Variants in NBAS observed in about 807,000 individuals in gnomAD.
The protein encoded by NBAS is NBAS subunit of NRZ tethering complex.
In NBAS, 219 loss-of-function variants were observed where a neutral mutation model predicts 302.5. That is an observed-to-expected ratio of 0.72 (90% confidence interval 0.65 to 0.81). The LOEUF (loss-of-function observed/expected upper bound fraction) is 0.81. Among genes scored for constraint, NBAS ranks in the 30% least tolerant of loss-of-function variants. NBAS has a pLI of 0.00. For missense variants in NBAS, 2,932 were observed against 2,841.6 expected (o/e 1.03, Z -0.72); for synonymous variants, 1,118 against 1,021.6 (o/e 1.09, Z -1.80).
At chr2:15,433,565 A>G (rs1159476125) in intron 21 of NBAS, among the ~76,000 whole-genome samples, 2 of 152,192 alleles carry the variant, frequency 1.3e-5, no homozygotes, top group South Asian at 4.1e-4. Flanking sequence ...CTCCACTTAT[A>G]CCATCCTGAG....
intron 35 of NBAS, among the ~76,000 whole-genome samples, chr2:15,347,888 T>C (rs924989984): frequency 2.6e-5 from 4 of 152,218 alleles, no homozygotes; most frequent in African/African-American, 9.6e-5. Flanking sequence ...AACAGCAATA[T>C]CTTCAAACTT....
the NBAS span, among the ~76,000 whole-genome samples, chr2:14,883,585 A>C: frequency 6.6e-6 from 1 of 152,296 alleles, no homozygotes; most frequent in Non-Finnish European, 1.5e-5. Context: ...TTTGGAGTCA[A>C]GAAATAAGAA....
the NBAS span, among the ~76,000 whole-genome samples, chr2:14,784,115 T>C: frequency 6.6e-6 from 1 of 152,204 alleles, no homozygotes; most frequent in African/African-American, 2.4e-5. Context: ...TGCATAAATG[T>C]CTTCTTTTGA....
In NBAS at chr2:15,186,759, G is replaced by T; in HGVS notation, c.6694C>A (p.Gln2232Lys). The T allele has an allele frequency of 6.2e-7, 1 of 1,613,768 alleles. No homozygotes were observed. Among genetic ancestry groups the T allele is most frequent in the Non-Finnish European group, 8.5e-7 (1 of 1,179,922 alleles). Residue 2232 changes from glutamine to lysine, a missense_variant, in exon 50 of 52, where the codon CAG becomes AAG. Transcript: ENST00000281513. Reference protein sequence around the residue: ...KMCRSLYNTKQMLPAEGVKEL... With the variant: ...KMCRSLYNTKKMLPAEGVKEL... Reference sequence around the variant, plus strand: ...CCACTCACCTCTGCAGGCAGCATCTGCTTGGTGTTATACAAAGAGCGACAC... The same window carrying T: ...CCACTCACCTCTGCAGGCAGCATCTTCTTGGTGTTATACAAAGAGCGACAC...
At chr2:14,948,594 AT>A in the NBAS span, among the ~76,000 whole-genome samples, 230 of 152,194 alleles carry the variant, frequency 1.5e-3, no homozygotes, top group African/African-American at 4.7e-3. Context: ...TGAAGAGGAT[AT>A]TAAAAAAATT....
the NBAS span, among the ~76,000 whole-genome samples, chr2:14,857,502 C>A: frequency 6.6e-6 from 1 of 152,034 alleles, no homozygotes; most frequent in Non-Finnish European, 1.5e-5. Flanking sequence ...ACAGAATAGA[C>A]AACCCAGCGA....
At chr2:15,402,327 T>TA in intron 25 of NBAS, 26 bp from the exon 26 acceptor site, 10 of 1,612,112 alleles carry the variant, frequency 6.2e-6, no homozygotes, top group Non-Finnish European at 7.6e-6. Context: ...TATGTTGTAC[T>TA]AAATGTCAAC....
At chr2:15,536,855 G>A (rs1663544857) in intron 7 of NBAS, among the ~76,000 whole-genome samples, 1 of 152,088 alleles carries the variant, frequency 6.6e-6, no homozygotes, top group South Asian at 2.1e-4. Flanking sequence ...CAAAGATAAT[G>A]CCACCATTCA....
rs533869326 is a variant in NBAS, at chr2:15,369,346, G to A, written c.3704-2653C>T. Reference sequence around the variant, plus strand: ...AGAACTGAAACCACACATAGCAATGGATCATGATTTTCTCTAAACTTCCAT... The same window carrying A: ...AGAACTGAAACCACACATAGCAATGAATCATGATTTTCTCTAAACTTCCAT... On this transcript the variant is annotated intron_variant, in intron 31 of 51. Transcript: ENST00000281513. Among the ~76,000 whole-genome samples the A allele has an allele frequency of 7.2e-5, 11 of 152,124 alleles. No individual in the cohort carries two copies. The East Asian group carries it at 2.1e-3, about 29-fold the overall frequency.
the NBAS span, among the ~76,000 whole-genome samples, chr2:15,073,204 C>T: frequency 1.8e-4 from 27 of 152,118 alleles, no homozygotes; most frequent in African/African-American, 6.0e-4. Context: ...TAAGGATGGG[C>T]GTGGTGGCTC....
At chr2:15,289,377 C>G (rs758688293) in intron 41 of NBAS, among the ~76,000 whole-genome samples, 6 of 152,194 alleles carry the variant, frequency 3.9e-5, no homozygotes, top group Non-Finnish European at 7.3e-5. Flanking sequence ...GCTGGGATTA[C>G]AGGTGTGAGC....
the NBAS span, among the ~76,000 whole-genome samples, chr2:15,058,121 A>T: frequency 6.6e-6 from 1 of 152,246 alleles, no homozygotes; most frequent in Non-Finnish European, 1.5e-5. Flanking sequence ...AGAAGTTATT[A>T]TTCGAAAAAG....
At chr2:15,159,585 T>C in the NBAS span, among the ~76,000 whole-genome samples, 1 of 149,436 alleles carries the variant, frequency 6.7e-6, no homozygotes, top group South Asian at 2.1e-4. Context: ...TTCATAGAGA[T>C]GGTAGCATGG....
the NBAS span, among the ~76,000 whole-genome samples, chr2:14,842,339 C>A: frequency 6.6e-6 from 1 of 151,576 alleles, no homozygotes; most frequent in East Asian, 1.9e-4. Context: ...CAAAAATAAA[C>A]AAAATTGAGA....
the NBAS span, among the ~76,000 whole-genome samples, chr2:15,035,089 G>A: frequency 8.0e-5 from 12 of 150,172 alleles, no homozygotes; most frequent in African/African-American, 2.7e-4. Flanking sequence ...GCAATCCTCT[G>A]CTGATGAGTA....
the NBAS span, among the ~76,000 whole-genome samples, chr2:15,014,614 G>C: frequency 1.5e-3 from 222 of 151,636 alleles, 4 homozygotes; most frequent in East Asian, 0.042. Flanking sequence ...AAAACCTATG[G>C]GACACAGCAA....
At chr2:14,988,087 T>C in the NBAS span, among the ~76,000 whole-genome samples, 1 of 152,168 alleles carries the variant, frequency 6.6e-6, no homozygotes, top group Non-Finnish European at 1.5e-5. Context: ...CCAGCAGTGT[T>C]GGTGCACATC....
chr2:15,332,666 A>G (rs758618795), intron 35 of NBAS, among the ~76,000 whole-genome samples: 11 of 152,200 alleles, frequency 7.2e-5, no homozygotes, highest in Non-Finnish European at 1.2e-4. Context: ...AATGAATGAC[A>G]TATAAATAAA....
rs770902232 is a variant in NBAS, at chr2:15,489,034, T to C, written c.955-12A>G. 11 of 1,612,792 alleles carry C rather than the reference T, an allele frequency of 6.8e-6. No homozygotes were observed. The South Asian group carries it at 1.2e-4, about 18-fold the overall frequency. ...TTAAAAATTCCATCCTAAATAAGAA[T>C]CATAAGGTCAGGGCAAAGGACTTAT... On this transcript the variant is annotated splice_polypyrimidine_tract_variant and intron_variant, in intron 11 of 51. Transcript: ENST00000281513.
Sources: allele counts gnomAD v4.1 joint callset (sites outside exome capture counted in the v4.1 genomes callset), GRCh38; gene constraint gnomAD v4.1.1; transcripts MANE v1.5; gene names NCBI Gene and HGNC (gene_info 2026-07-23, HGNC 2026-07-21).